ZFAT: variants seen among roughly 807,000 people sequenced by gnomAD.
ZFAT encodes the protein zinc finger and AT-hook domain containing, also known as zinc finger protein ZFAT.
Under a neutral mutation model 117.7 loss-of-function variants are expected in ZFAT, and 64 were observed. The observed-to-expected ratio is 0.54, with a 90% confidence interval of 0.44 to 0.67. ZFAT has a LOEUF of 0.67. ZFAT is among the 30% of genes least tolerant of loss of function. The pLI is 0.00. For synonymous variants in ZFAT, 679 were observed against 615.0 expected (o/e 1.10, Z -1.54); for missense variants, 1,433 against 1,584.5 (o/e 0.90, Z 1.62).
chr8:134,811,324 C>T, the ZFAT span, among the ~76,000 whole-genome samples: 6 of 152,114 alleles, frequency 3.9e-5, no homozygotes, highest in Admixed American at 1.3e-4. Context: ...ACTGTAAACA[C>T]GTCTCTGATG....
intron 10 of ZFAT, among the ~76,000 whole-genome samples, chr8:134,579,486 TG>T (rs1366255757): frequency 2.6e-5 from 4 of 152,122 alleles, no homozygotes; most frequent in Non-Finnish European, 4.4e-5. Flanking sequence ...GAGAACAGTA[TG>T]GGGGAAACTG....
chr8:134,499,560 C>T (rs1272429154), intron 15 of ZFAT, among the ~76,000 whole-genome samples: 26 of 123,698 alleles, frequency 2.1e-4, no homozygotes, highest in South Asian at 5.5e-4. Context: ...TTGGTAGGGT[C>T]GGGGTGGAGC....
At chr8:134,715,153 T>C (rs1025309046), upstream of ZFAT, among the ~76,000 whole-genome samples, 2 of 152,214 alleles carry the variant, frequency 1.3e-5, no homozygotes, top group Non-Finnish European at 2.9e-5. Flanking sequence ...ATGTTGTTTA[T>C]TGATTAGCAG....
chr8:134,786,549 A>G, the ZFAT span, among the ~76,000 whole-genome samples: 604 of 152,272 alleles, frequency 4.0e-3, 5 homozygotes, highest in African/African-American at 0.014. Flanking sequence ...ACCTATTAAC[A>G]TGGTATATAC....
intron 1 of ZFAT, among the ~76,000 whole-genome samples, chr8:134,709,841 G>C (rs929377467): frequency 2.0e-5 from 3 of 152,110 alleles, no homozygotes; most frequent in East Asian, 1.9e-4. Flanking sequence ...ACTGAGAAGG[G>C]AGCACTGCGG....
rs148077944 is a variant in ZFAT at position 134,478,437 on chromosome 8, G to A, written c.*45C>T. On this transcript the variant is annotated 3_prime_UTR_variant, in exon 16 of 16. Coordinates refer to ENST00000377838, the MANE Select transcript of ZFAT (RefSeq NM_020863.4). The surrounding 1 kb of genome is among the most constrained non-coding windows in gnomAD (Gnocchi z 5.2). ...GGCCTCCCCACCCTGGGTGCCTGCA[G>A]AGCCTGGCAGCCCCGCCCTGTGGCC... is the stretch of plus-strand genomic sequence containing the variant. 9,977 of 1,535,284 alleles carry A rather than the reference G, an allele frequency of 6.5e-3. 40 individuals carry two copies. Among genetic ancestry groups the A allele is most frequent in the Non-Finnish European group, 8.0e-3 (9,098 of 1,137,276 alleles).
intron 11 of ZFAT, among the ~76,000 whole-genome samples, chr8:134,533,767 G>A (rs1223556559): frequency 1.3e-5 from 2 of 152,202 alleles, no homozygotes; most frequent in Non-Finnish European, 2.9e-5. Flanking sequence ...ATGCTTCGGA[G>A]GCTGCATAAA....
chr8:134,512,639 G>T (rs1424634399), intron 13 of ZFAT, 38 bp from the exon 14 acceptor site: 1 of 1,593,648 alleles, frequency 6.3e-7, no homozygotes, highest in South Asian at 1.1e-5. Context: ...TCTCCTAAAA[G>T]ATTGACTGTT....
At chr8:134,659,277 C>T (rs982800194) in intron 1 of ZFAT, among the ~76,000 whole-genome samples, 5 of 152,132 alleles carry the variant, frequency 3.3e-5, no homozygotes, top group South Asian at 2.1e-4. Flanking sequence ...CCTTCCAGCC[C>T]GCCTGCGTCT....
chr8:134,513,826 C>G (rs1820042884), intron 13 of ZFAT, among the ~76,000 whole-genome samples: 1 of 152,178 alleles, frequency 6.6e-6, no homozygotes, highest in Non-Finnish European at 1.5e-5. Flanking sequence ...TATAATATTC[C>G]TTCACAGCCA....
the ZFAT span, among the ~76,000 whole-genome samples, chr8:134,818,826 G>C: frequency 6.6e-6 from 1 of 152,210 alleles, no homozygotes; most frequent in Admixed American, 6.5e-5. Flanking sequence ...AATGCTGGGT[G>C]AAAGTAGCCA....
the ZFAT span, among the ~76,000 whole-genome samples, chr8:134,830,530 A>C: frequency 1.1e-4 from 17 of 152,378 alleles, no homozygotes; most frequent in African/African-American, 4.1e-4. Flanking sequence ...CCCACATATC[A>C]GAAATGCTTA....
chr8:134,632,690 C>G (rs1261429394), intron 3 of ZFAT, among the ~76,000 whole-genome samples: 1 of 151,874 alleles, frequency 6.6e-6, no homozygotes, highest in African/African-American at 2.4e-5. Flanking sequence ...GGTGACAATA[C>G]AGAAATTTAA....
chr8:134,769,009 C>T, the ZFAT span, among the ~76,000 whole-genome samples: 1 of 152,018 alleles, frequency 6.6e-6, no homozygotes, highest in Non-Finnish European at 1.5e-5. Flanking sequence ...CCCATCTCTA[C>T]AAAAATACAA....
In ZFAT at chr8:134,682,435, C is replaced by A. The variant is rs183804286; in HGVS notation, c.20-24698G>T. ...CTTTGGGAGGCTGAGGCAGGCAGATCGCTTGAGCTCAGGAGTTCGAGACCA... is the reference window on the plus strand; with the variant it reads ...CTTTGGGAGGCTGAGGCAGGCAGATAGCTTGAGCTCAGGAGTTCGAGACCA... On this transcript the variant is annotated intron_variant, in intron 1 of 15. Coordinates refer to ENST00000377838, the MANE Select transcript of ZFAT (RefSeq NM_020863.4). Among the ~76,000 whole-genome samples the A allele has an allele frequency of 5.2e-3, 785 of 152,256 alleles. 3 individuals carry two copies. Among genetic ancestry groups the A allele is most frequent in the Middle Eastern group, 0.014 (4 of 294 alleles).
chr8:134,712,826 A>T lies in ZFAT; in HGVS notation c.19+19T>A. ...CCCCACCCCCACCCCGTCTCACCCC[A>T]ACCCCCAGCCCGGCTCACCTGCCGC... On this transcript the variant is annotated intron_variant, in intron 1 of 15. Coordinates refer to ENST00000377838, the MANE Select transcript of ZFAT (RefSeq NM_020863.4). The T allele has an allele frequency of 4.3e-6, 1 of 232,704 alleles. No individual in the cohort carries two copies. Among genetic ancestry groups the T allele is most frequent in the Admixed American group, 1.2e-4 (1 of 8,042 alleles). 14.4% of individuals were successfully genotyped at this position (232,704 alleles called of 1,614,324 possible).
At chr8:134,747,874 G>C in the ZFAT span, among the ~76,000 whole-genome samples, 2 of 152,200 alleles carry the variant, frequency 1.3e-5, no homozygotes, top group African/African-American at 4.8e-5. Flanking sequence ...TGGTCTCTGG[G>C]CTGGTGGATA....
At chr8:134,713,170 T>TA, upstream of ZFAT, 1 of 278,984 alleles carries the variant, frequency 3.6e-6, no homozygotes. Flanking sequence ...CCGTGCTTTT[T>TA]ATCCCACTTC....
chr8:134,519,616 T>G lies in ZFAT; in HGVS notation c.3234+1267A>C, dbSNP rs1286198696. ...TTTGGATTTTCTGAAAATATCATCC[T>G]ATTATATGTATAGAGAGATACTTTT... On this transcript the variant is annotated intron_variant, in intron 13 of 15. Transcript: ENST00000377838. Among the ~76,000 whole-genome samples, 7 of 152,244 alleles carry G rather than the reference T, an allele frequency of 4.6e-5. No individual in the cohort carries two copies. In the East Asian group the frequency reaches 1.3e-3, roughly 29 times the overall value.
Sources: gnomAD v4.1 joint callset for allele counts (sites outside exome capture counted in the v4.1 genomes callset) on GRCh38, gnomAD v4.1.1 for gene constraint, Gnocchi (gnomAD v3.1) non-coding constraint, MANE v1.5 for transcripts, NCBI Gene and HGNC (gene_info 2026-07-23, HGNC 2026-07-21) for gene names.